ATP8B3: variants seen among roughly 807,000 people sequenced by gnomAD.
ATP8B3 encodes phospholipid-transporting ATPase IK.
ATP8B3 carries 141 observed loss-of-function variants against 140.9 expected under a neutral mutation model. That is an observed-to-expected ratio of 1.00 (90% CI 0.87 to 1.15). The LOEUF (loss-of-function observed/expected upper bound fraction) is 1.15. Ranked by LOEUF, ATP8B3 falls within the 50% of genes most tolerant of loss-of-function variation. The probability of loss-of-function intolerance (pLI) is 0.00; values close to 1 mark genes in which losing one functional copy is unlikely to be tolerated. For missense variants in ATP8B3, 1,874 were observed against 1,740.6 expected, an observed-to-expected ratio of 1.08 and a Z score of -1.36; for synonymous variants, 765 against 714.6, an observed-to-expected ratio of 1.07 and a Z score of -1.13.
In ATP8B3 at chr19:1,811,525, G is replaced by A. The variant is rs764093297; in HGVS notation, c.212C>T (p.Pro71Leu). 1 of 1,612,246 alleles carries A rather than the reference G, an allele frequency of 6.2e-7. No individual in the cohort carries two copies. Among genetic ancestry groups the A allele is most frequent in the South Asian group, 1.1e-5 (1 of 91,036 alleles). ...CCATTCATACTTCCTAGCCCGGCCA[G>A]GCTGGGCCTTGTGCCTCCTCTCAGG... ...GAPERRHKAQ[P>L]GRARKYEWRP... Residue 71 changes from proline to leucine, a missense_variant, in exon 2 of 29, where the codon CCT (proline) becomes CTT (leucine). Around this residue, in one of 3 missense-constraint regions of ATP8B3, gnomAD observed 1,032 missense variants for 963.6 expected, o/e 1.07. Transcript: ENST00000310127.
chr19:1,797,132 C>T, intron 14 of ATP8B3, 127 bp from the exon 15 acceptor site: 12 of 1,429,574 alleles, frequency 8.4e-6, no homozygotes, highest in African/African-American at 1.4e-5. Flanking sequence ...GGCCTGTGGC[C>T]CTGGAACCGA....
rs1326184473 is a variant in ATP8B3 at position 1,785,256 on chromosome 19, C to T, written c.3435G>A (p.Ala1145=). ...IIKYWTALCV[A]TILLSLGFYA... ...AGAAACCAAGGCTGAGGAGGATGGT[C>T]GCCACGCACAGGGCGGTCCAGTACT... Residue 1145 remains alanine, a synonymous_variant, in exon 27 of 29, where the codon GCG becomes GCA. Transcript: ENST00000310127. 1.9e-6 allele frequency: 3 copies of T among 1,609,364 alleles called. No individual in the cohort carries two copies. The highest frequency in any genetic ancestry group is 2.5e-6 in the Non-Finnish European group (3 of 1,178,012).
chr19:1,789,332 GCA>G, intron 23 of ATP8B3, 27 bp downstream of exon 23: 11 of 1,463,676 alleles, frequency 7.5e-6, no homozygotes, highest in Non-Finnish European at 9.0e-6. Context: ...CTCGTCCCAG[GCA>G]CCCCCAGCCC....
rs539458917 is a variant in ATP8B3, at chr19:1,805,166, G to A, written c.904+208C>T. Reference sequence around the variant, plus strand: ...ACTTGTTTTATTTTTGTAGAGATGGGGTCTCGTTATGTTGTCCAGGCTGGT... The same window carrying A: ...ACTTGTTTTATTTTTGTAGAGATGGAGTCTCGTTATGTTGTCCAGGCTGGT... On this transcript the variant is annotated intron_variant, in intron 10 of 28. Transcript: ENST00000310127. The surrounding 1 kb of genome is among the most constrained non-coding windows in gnomAD (Gnocchi z 5.2). 2.3e-4 allele frequency: 130 copies of A among 576,190 alleles called. 1 individual carries two copies. Among genetic ancestry groups the A allele is most frequent in the South Asian group, 2.0e-3 (111 of 54,846 alleles). The allele number at this position is 576,190 out of a possible 1,614,324, so 35.7% of individuals were successfully genotyped here.
intron 21 of ATP8B3, 133 bp from the exon 22 acceptor site, chr19:1,790,122 T>G: frequency 1.8e-6 from 1 of 544,820 alleles, no homozygotes; most frequent in South Asian, 1.9e-5. Context: ...CCCACTTCCC[T>G]CTTCCCCTCC....
intron 19 of ATP8B3, 60 bp downstream of exon 19, chr19:1,791,941 C>T: frequency 6.3e-7 from 1 of 1,582,676 alleles, no homozygotes; most frequent in Non-Finnish European, 8.6e-7. Context: ...AGTCCCAGGG[C>T]CCCCTTGGGT....
rs368771061 is a variant in ATP8B3, at chr19:1,789,075, G to C, written c.2891C>G (p.Ala964Gly). The change falls in exon 24 of 29, where the codon GCA becomes GGA. Residue 964 changes from alanine (A) to glycine (G), a missense_variant. Transcript: ENST00000310127. ...VGLAGQEGMQ[A>G]VQNSDFVLGQ... The stretch of plus-strand genomic sequence containing the variant: ...GAGCACGAAGTCGCTGTTCTGAACT[G>C]CCTGCATGCCCTCCTGGCCCGCCAG... 1.3e-6 allele frequency: 2 copies of C among 1,589,780 alleles called. No individual in the cohort carries two copies. The highest frequency in any genetic ancestry group is 2.7e-5 in the African/African-American group (2 of 74,552).
At chr19:1,803,322 A>G (rs2068910740) in intron 10 of ATP8B3, among the ~76,000 whole-genome samples, 1 of 152,152 alleles carries the variant, frequency 6.6e-6, no homozygotes, top group Admixed American at 6.5e-5. Context: ...CTGCCTCCCC[A>G]TCGCGTCTTA....
rs541278617 is a variant in ATP8B3, at chr19:1,782,244, G to T, written c.*784C>A. 9 of 321,640 alleles carry T rather than the reference G, an allele frequency of 2.8e-5. No homozygotes were observed. In the East Asian group the frequency reaches 4.3e-4, roughly 16 times the overall value. 19.9% of individuals were successfully genotyped at this position (321,640 alleles called of 1,614,324 possible). A position where few individuals can be genotyped will look rare whatever the true frequency, so the allele number is the denominator to read the frequency against. On this transcript the variant is annotated 3_prime_UTR_variant, in exon 29 of 29. Coordinates refer to ENST00000310127, the MANE Select transcript of ATP8B3 (RefSeq NM_138813.4). ...TGATATGCCAGCGTGACTCCTTTGG[G>T]CTCGAAGATGCCTCTTCATCAGATG...
rs913126489 is a variant in ATP8B3, at chr19:1,800,713, T to C, written c.1153-264A>G. 6.6e-6 allele frequency among the ~76,000 whole-genome samples: 1 copy of C among 152,100 alleles called. No homozygotes were observed. Among genetic ancestry groups the C allele is most frequent in the African/African-American group, 2.4e-5 (1 of 41,422 alleles). ...GGTGGCGCACACCTGTAGTCTCAGC[T>C]GCTCAGAAGGCTGAGGCCGAGGATC... On this transcript the variant is annotated intron_variant, in intron 12 of 28. Coordinates refer to ENST00000310127, the MANE Select transcript of ATP8B3 (RefSeq NM_138813.4). This position sits in a 1 kb window ranked among gnomAD's most constrained non-coding sequence, Gnocchi z 4.4.
rs750159394 is a variant in ATP8B3 at position 1,800,205 on chromosome 19, C to G, written c.1344-50G>C. On this transcript the variant is annotated intron_variant, in intron 13 of 28. Coordinates refer to ENST00000310127, the MANE Select transcript of ATP8B3 (RefSeq NM_138813.4). The surrounding 1 kb of genome is among the most constrained non-coding windows in gnomAD (Gnocchi z 4.4). ...TCAGCCCCGCCTGCTGTGTGCCATC[C>G]CCATGCCTCCCCGTTCCGCGTTTGC... 3.5e-5 allele frequency: 56 copies of G among 1,592,384 alleles called. No homozygotes were observed. Among genetic ancestry groups the G allele is most frequent in the Non-Finnish European group, 4.7e-5 (55 of 1,168,782 alleles).
intron 24 of ATP8B3, among the ~76,000 whole-genome samples, chr19:1,788,575 G>A (rs1432852036): frequency 5.3e-5 from 8 of 152,308 alleles, no homozygotes; most frequent in South Asian, 4.1e-4. Flanking sequence ...ACTTGAACCC[G>A]GGAGGCGGAG....
Position 1,802,018 on chromosome 19 carries a change from A to G in ATP8B3, c.1090T>C (p.Cys364Arg). Residue 364 changes from cysteine to arginine, a missense_variant, in exon 12 of 29, where the codon TGT becomes CGT. Transcript: ENST00000310127. ...AGFDTKIMKNCGKIHLKRTKL... is the reference protein window; with the variant it reads ...AGFDTKIMKNRGKIHLKRTKL... ...GTTCTCTTCAAATGGATCTTGCCAC[A>G]GTTCTTCATAATTTTTGTGTCAAAA... 6.2e-7 allele frequency: 1 copy of G among 1,612,256 alleles called. No individual in the cohort carries two copies. Among genetic ancestry groups the G allele is most frequent in the Admixed American group, 1.7e-5 (1 of 59,922 alleles).
chr19:1,788,780 C>T (rs1813546566), intron 24 of ATP8B3, 117 bp downstream of exon 24: 25 of 1,019,408 alleles, frequency 2.5e-5, no homozygotes, highest in Middle Eastern at 3.0e-4. Flanking sequence ...CAGGCAAGCC[C>T]TGTCCACCGA....
At position 1,806,052 on chromosome 19, in the gene ATP8B3, G is replaced by A; in HGVS notation, c.750+45C>T. On this transcript the variant is annotated intron_variant, in intron 8 of 28. Transcript: ENST00000310127. This position sits in a 1 kb window ranked among gnomAD's most constrained non-coding sequence, Gnocchi z 5.6. ...CCACCCTGGGAGGGGTGCTCTCGGT[G>A]AGGGGGCGCGTGGTTCTGGGACCTC... The A allele has an allele frequency of 6.2e-7, 1 of 1,603,648 alleles. No individual in the cohort carries two copies. Among genetic ancestry groups the A allele is most frequent in the Non-Finnish European group, 8.5e-7 (1 of 1,175,866 alleles).
In ATP8B3 at chr19:1,807,191, T is replaced by A; in HGVS notation, c.592A>T (p.Thr198Ser). The A allele has an allele frequency of 1.9e-6, 3 of 1,611,380 alleles. No homozygotes were observed. Among genetic ancestry groups the A allele is most frequent in the Non-Finnish European group, 2.5e-6 (3 of 1,179,234 alleles). Residue 198 changes from threonine to serine, a missense_variant, in exon 6 of 29, where the codon ACC becomes TCC. Physicochemically the swap from Thr to Ser is moderately conservative, Grantham distance 58. Transcript: ENST00000310127. This position sits in a 1 kb window ranked among gnomAD's most constrained non-coding sequence, Gnocchi z 5.9. ...ACCATGTCGTCCACCAGGTCCCGGG[T>A]GGCACGGATGAAGAGGAGGCAGACC... ...PMVCLLFIRA[T>S]RDLVDDMGRH...
At chr19:1,795,784 TACAC>T (rs10526864) in intron 18 of ATP8B3, 87 bp downstream of exon 18, 37,121 of 881,524 alleles carry the variant, frequency 0.042, 396 homozygotes, top group South Asian at 0.069. Flanking sequence ...CTCCTGTCCC[TACAC>T]ACACACACAC....
Position 1,782,231 on chromosome 19 carries a change from G to T in ATP8B3, c.*797C>A, listed in dbSNP as rs750565436. 3.2e-6 allele frequency: 1 copy of T among 310,014 alleles called. No individual in the cohort carries two copies. The highest frequency in any genetic ancestry group is 6.1e-6 in the Non-Finnish European group (1 of 163,048). The allele number at this position is 310,014 out of a possible 1,614,324, so 19.2% of individuals were successfully genotyped here. On this transcript the variant is annotated 3_prime_UTR_variant, in exon 29 of 29. Transcript: ENST00000310127. ...AAGGACATCTTCCTGATATGCCAGC[G>T]TGACTCCTTTGGGCTCGAAGATGCC...
In ATP8B3 at chr19:1,801,980, G is replaced by A. The variant is rs1426723166; in HGVS notation, c.1128C>T (p.Leu376=). Residue 376 remains leucine (L), a synonymous_variant, in exon 12 of 29, where the codon CTC becomes CTT. Coordinates refer to ENST00000310127, the MANE Select transcript of ATP8B3 (RefSeq NM_138813.4). ...CCACAACCACCAGCTTGTTCATCAG[G>A]AGGTCCAGCTTGGTTCTCTTCAAAT... The part of the protein sequence containing the change: ...KIHLKRTKLD[L]LMNKLVVVIF... 6.2e-7 allele frequency: 1 copy of A among 1,612,558 alleles called. No homozygotes were observed.
Sources: gnomAD v4.1 joint callset for allele counts (sites outside exome capture counted in the v4.1 genomes callset) on GRCh38, gnomAD v4.1.1 for gene constraint, gnomAD v4.1.1 regional missense constraint, Gnocchi (gnomAD v3.1) non-coding constraint, MANE v1.5 for transcripts, NCBI Gene and HGNC (gene_info 2026-07-23, HGNC 2026-07-21) for gene names.